KIRREL3: variants seen among roughly 807,000 people sequenced by gnomAD.
KIRREL3 encodes the protein kin of IRRE-like protein 3.
Under a neutral mutation model 89.7 loss-of-function variants are expected in KIRREL3, and 36 were observed. The observed-to-expected ratio is 0.40, with a 90% CI of 0.31 to 0.53. The LOEUF is 0.53. Ranked by LOEUF, KIRREL3 falls within the 20% of genes least tolerant of loss-of-function variation. KIRREL3 has a pLI of 0.49. For missense variants in KIRREL3, 864 were observed against 1,056.6 expected, an observed-to-expected ratio of 0.82 and a Z score of 2.53; for synonymous variants, 445 against 441.4, an observed-to-expected ratio of 1.01 and a Z score of -0.10.
intron 1 of KIRREL3, among the ~76,000 whole-genome samples, chr11:126,818,651 G>A (rs1226766969): frequency 6.6e-6 from 1 of 151,452 alleles, no homozygotes; most frequent in Admixed American, 6.6e-5. Context: ...GTGTGTGTGT[G>A]TGTGTTGGGA....
chr11:126,713,373 C>T (rs1947836196), intron 1 of KIRREL3, among the ~76,000 whole-genome samples: 1 of 152,142 alleles, frequency 6.6e-6, no homozygotes. Context: ...GGGATGAGGG[C>T]AGGGCTAGGG....
intron 1 of KIRREL3, among the ~76,000 whole-genome samples, chr11:126,787,169 C>T (rs1463435575): frequency 6.6e-6 from 1 of 152,142 alleles, no homozygotes; most frequent in East Asian, 1.9e-4. Context: ...CAAGAGAGAA[C>T]ACCTGACAGA....
chr11:126,634,216 T>A (rs917975407), intron 1 of KIRREL3, among the ~76,000 whole-genome samples: 1 of 152,224 alleles, frequency 6.6e-6, no homozygotes, highest in African/African-American at 2.4e-5. Context: ...TAAGGTGGAA[T>A]CAGACCCTAC....
intron 1 of KIRREL3, among the ~76,000 whole-genome samples, chr11:126,637,486 T>C (rs1978575): frequency 0.46 from 69,310 of 152,048 alleles, 16,602 homozygotes; most frequent in East Asian, 0.73. Flanking sequence ...AGCCTCCTGC[T>C]CAAGCCTCTG....
At chr11:126,449,370 T>G (rs915140763) in intron 7 of KIRREL3, among the ~76,000 whole-genome samples, 1 of 152,194 alleles carries the variant, frequency 6.6e-6, no homozygotes, top group African/African-American at 2.4e-5. Flanking sequence ...GTGAAGGCAG[T>G]GGGCTTTGGT....
Position 126,526,420 on chromosome 11 carries a change from G to T in KIRREL3, c.283+118C>A. The T allele has an allele frequency of 9.8e-7, 1 of 1,023,700 alleles. No homozygotes were observed. Among genetic ancestry groups the T allele is most frequent in the Non-Finnish European group, 1.4e-6 (1 of 703,546 alleles). 63.4% of individuals were successfully genotyped at this position (1,023,700 alleles called of 1,614,324 possible). A position where few individuals can be genotyped will look rare whatever the true frequency, so the allele number is the denominator to read the frequency against. The stretch of plus-strand genomic sequence containing the variant: ...CTGACTCTGCCTGAGGAGTTGCAGT[G>T]AAAGCTAGAGATTCGATACTCAGAC... On this transcript the variant is annotated intron_variant, in intron 3 of 16. Coordinates refer to ENST00000525144, the MANE Select transcript of KIRREL3 (RefSeq NM_032531.4). This position sits in a 1 kb window ranked among gnomAD's most constrained non-coding sequence, Gnocchi z 5.7.
intron 1 of KIRREL3, among the ~76,000 whole-genome samples, chr11:126,894,542 C>CAAAAAAAAAAAAAAAAAA (rs10630231): frequency 5.7e-5 from 1 of 17,482 alleles, no homozygotes; most frequent in Non-Finnish European, 9.3e-5. Context: ...GACCTCATCT[C>CAAAAAAAAAAAAAAAAAA]AAAAAAAAAA....
At chr11:126,616,764 C>T (rs549164279) in intron 1 of KIRREL3, among the ~76,000 whole-genome samples, 1 of 152,184 alleles carries the variant, frequency 6.6e-6, no homozygotes, top group Non-Finnish European at 1.5e-5. Context: ...GCCTTAGCCT[C>T]CCAAGTAGCT....
rs998002036 is a variant in KIRREL3 at position 126,428,228 on chromosome 11, G to A, written c.1806+951C>T. On this transcript the variant is annotated intron_variant, in intron 15 of 16. Coordinates refer to ENST00000525144, the MANE Select transcript of KIRREL3 (RefSeq NM_032531.4). The surrounding 1 kb of genome is among the most constrained non-coding windows in gnomAD (Gnocchi z 6.4). ...CCCATCTCATGGATGAGGACATGGAGGCACCAGAAAGCCCATCTACTATAT... is the reference window on the plus strand; with the variant it reads ...CCCATCTCATGGATGAGGACATGGAAGCACCAGAAAGCCCATCTACTATAT... Among the ~76,000 whole-genome samples the A allele has an allele frequency of 2.6e-5, 4 of 152,230 alleles. No homozygotes were observed. The highest frequency in any genetic ancestry group is 6.5e-5 in the Admixed American group (1 of 15,290).
At chr11:126,472,960 C>CCCATCT (rs1956943324) in intron 5 of KIRREL3, among the ~76,000 whole-genome samples, 1 of 111,398 alleles carries the variant, frequency 9.0e-6, no homozygotes, top group Non-Finnish European at 1.9e-5. Context: ...AGCCCCTCCC[C>CCCATCT]AGCAGCCCCC....
Position 126,666,023 on chromosome 11 carries a change from C to T in KIRREL3, c.56-103111G>A, listed in dbSNP as rs1037961626. Among the ~76,000 whole-genome samples the T allele has an allele frequency of 3.9e-5, 6 of 152,152 alleles. No individual in the cohort carries two copies. Among genetic ancestry groups the T allele is most frequent in the African/African-American group, 1.4e-4 (6 of 41,418 alleles). ...TTGTTGCTATTAATGAATCAGAAAG[C>T]CTGGAACTATGATCTGGACCTTTTT... On this transcript the variant is annotated intron_variant, in intron 1 of 16. Transcript: ENST00000525144. The surrounding 1 kb of genome is among the most constrained non-coding windows in gnomAD (Gnocchi z 4.2).
In KIRREL3 at chr11:126,431,661, G is replaced by A. The variant is rs1955137374; in HGVS notation, c.1589-135C>T. 2 of 846,890 alleles carry A rather than the reference G, an allele frequency of 2.4e-6. No homozygotes were observed. Among genetic ancestry groups the A allele is most frequent in the Non-Finnish European group, 1.9e-6 (1 of 539,810 alleles). 52.5% of individuals were successfully genotyped at this position (846,890 alleles called of 1,614,324 possible). On this transcript the variant is annotated intron_variant, in intron 13 of 16. Coordinates refer to ENST00000525144, the MANE Select transcript of KIRREL3 (RefSeq NM_032531.4). The surrounding 1 kb of genome is among the most constrained non-coding windows in gnomAD (Gnocchi z 7.1). ...TGGGAAATGCCTCAGTGGGGCCTGG[G>A]CAGGCACAGGCCGAGTCCAACTGGG...
chr11:126,745,315 G>A (rs553197082), intron 1 of KIRREL3, among the ~76,000 whole-genome samples: 1 of 152,246 alleles, frequency 6.6e-6, no homozygotes, highest in Admixed American at 6.5e-5. Context: ...ACGGTGGAGG[G>A]AGGGGAAGAA....
chr11:126,961,737 T>G (rs192837958), intron 1 of KIRREL3, among the ~76,000 whole-genome samples: 4 of 152,390 alleles, frequency 2.6e-5, no homozygotes, highest in Non-Finnish European at 4.4e-5. Flanking sequence ...AACTTTTTAT[T>G]GGAAGAAGGC....
At position 126,999,318 on chromosome 11, in the gene KIRREL3, G is replaced by C. The variant is rs973870620; in HGVS notation, c.55+1137C>G. On this transcript the variant is annotated intron_variant, in intron 1 of 16. Transcript: ENST00000525144. This position sits in a 1 kb window ranked among gnomAD's most constrained non-coding sequence, Gnocchi z 5.7. ...GCAGTGACCACAAGCACGGGTGGAAGAGCAGAAGAAGGAAGCCAGGTTTTT... is the reference window on the plus strand; with the variant it reads ...GCAGTGACCACAAGCACGGGTGGAACAGCAGAAGAAGGAAGCCAGGTTTTT... Among the ~76,000 whole-genome samples the C allele has an allele frequency of 1.3e-5, 2 of 152,248 alleles. No individual in the cohort carries two copies. Among genetic ancestry groups the C allele is most frequent in the Non-Finnish European group, 2.9e-5 (2 of 68,054 alleles).
intron 2 of KIRREL3, among the ~76,000 whole-genome samples, chr11:126,529,557 C>T (rs1051959425): frequency 6.6e-5 from 10 of 150,558 alleles, no homozygotes; most frequent in East Asian, 3.9e-4. Context: ...GAGCCAAGAT[C>T]GCCCCACTGC....
chr11:126,625,540 C>G (rs1227847450), intron 1 of KIRREL3, among the ~76,000 whole-genome samples: 1 of 152,118 alleles, frequency 6.6e-6, no homozygotes, highest in Non-Finnish European at 1.5e-5. Context: ...CTTGTCACTC[C>G]CTAGCATGAA....
intron 1 of KIRREL3, among the ~76,000 whole-genome samples, chr11:126,937,805 A>G (rs1045441838): frequency 6.6e-6 from 1 of 152,204 alleles, no homozygotes; most frequent in Non-Finnish European, 1.5e-5. Context: ...AGGCTGAGGC[A>G]GGAGAATGGT....
At position 126,553,262 on chromosome 11, in the gene KIRREL3, T is replaced by C. The variant is rs1270774810; in HGVS notation, c.133+9573A>G. The stretch of plus-strand genomic sequence containing the variant: ...TCCAAATGCATACAATATCTTCTGT[T>C]CCATTTTTTTTTAAATGACACTCTG... On this transcript the variant is annotated intron_variant, in intron 2 of 16. Coordinates refer to ENST00000525144, the MANE Select transcript of KIRREL3 (RefSeq NM_032531.4). This position sits in a 1 kb window ranked among gnomAD's most constrained non-coding sequence, Gnocchi z 4.7. Among the ~76,000 whole-genome samples, 2 of 140,338 alleles carry C rather than the reference T, an allele frequency of 1.4e-5. No homozygotes were observed. The highest frequency in any genetic ancestry group is 3.1e-5 in the Non-Finnish European group (2 of 65,188). The allele number at this position is 140,338 out of a possible 152,430, so 92.1% of individuals were successfully genotyped here.
Sources: gnomAD v4.1 joint callset for allele counts (sites outside exome capture counted in the v4.1 genomes callset) on GRCh38, gnomAD v4.1.1 for gene constraint, Gnocchi (gnomAD v3.1) non-coding constraint, MANE v1.5 for transcripts, NCBI Gene and HGNC (gene_info 2026-07-23, HGNC 2026-07-21) for gene names.